Variants in CASZ1 observed in about 807,000 individuals in gnomAD.
CASZ1 encodes castor zinc finger 1.
In CASZ1, 28 loss-of-function variants were observed where a neutral mutation model predicts 135.2. That is an observed-to-expected ratio of 0.21 (90% CI 0.15 to 0.28). CASZ1 has a LOEUF of 0.28. Among genes scored for constraint, CASZ1 ranks in the 10% least tolerant of loss-of-function variants. The pLI is 1.00. For synonymous variants in CASZ1, 1,068 were observed against 1,073.4 expected, an observed-to-expected ratio of 0.99 and a Z score of 0.10; for missense variants, 2,161 against 2,453.3, an observed-to-expected ratio of 0.88 and a Z score of 2.52.
At chr1:10,732,568 G>A (rs569159427) in intron 2 of CASZ1, among the ~76,000 whole-genome samples, 4 of 152,278 alleles carry the variant, frequency 2.6e-5, no homozygotes, top group African/African-American at 9.6e-5. Flanking sequence ...ATGCTGCCAG[G>A]ATATCTGAGG....
At chr1:10,787,653 GCA>G (rs148201374) in intron 1 of CASZ1, among the ~76,000 whole-genome samples, 1 of 151,482 alleles carries the variant, frequency 6.6e-6, no homozygotes, top group African/African-American at 2.4e-5. Flanking sequence ...ACGATCACCC[GCA>G]CACACACACA....
In CASZ1 at chr1:10,666,797, G is replaced by A. The variant is rs1570444539; in HGVS notation, c.17-1226C>T. Among the ~76,000 whole-genome samples the A allele has an allele frequency of 1.3e-5, 2 of 152,098 alleles. No individual in the cohort carries two copies. Among genetic ancestry groups the A allele is most frequent in the African/African-American group, 4.8e-5 (2 of 41,376 alleles). ...CTGGCGAGGGTGGACACACACACAC[G>A]CACACACACGCGTGCACACACAGCG... On this transcript the variant is annotated intron_variant, in intron 4 of 20. Transcript: ENST00000377022. The surrounding 1 kb of genome is among the most constrained non-coding windows in gnomAD (Gnocchi z 5.2).
chr1:10,690,844 C>T (rs1206884356), intron 4 of CASZ1, among the ~76,000 whole-genome samples: 1 of 152,234 alleles, frequency 6.6e-6, no homozygotes, highest in African/African-American at 2.4e-5. Flanking sequence ...AGGGCGAACG[C>T]CTGCTCAGAG....
At chr1:10,740,795 AT>A (rs1363431617) in intron 2 of CASZ1, among the ~76,000 whole-genome samples, 3 of 151,384 alleles carry the variant, frequency 2.0e-5, no homozygotes, top group African/African-American at 4.9e-5. Flanking sequence ...CACAAAAAAA[AT>A]TTTTTTTTAA....
chr1:10,743,604 C>CT lies in CASZ1; in HGVS notation c.-77+17096dup, dbSNP rs542264646. ...TATGCCAGATGGATTCTTTTCCTGC[C>CT]TTTTTTTTTTTCTATAAAAATAAGG... On this transcript the variant is annotated intron_variant, in intron 2 of 20. Transcript: ENST00000377022. Among the ~76,000 whole-genome samples the CT allele has an allele frequency of 5.7e-3, 650 of 113,220 alleles. 2 individuals are homozygous for CT. The highest frequency in any genetic ancestry group is 0.033 in the East Asian group (131 of 3,934). 74.3% of individuals were successfully genotyped at this position (113,220 alleles called of 152,430 possible).
chr1:10,744,058 C>T (rs143730493), intron 2 of CASZ1, among the ~76,000 whole-genome samples: 29 of 152,234 alleles, frequency 1.9e-4, no homozygotes, highest in African/African-American at 5.1e-4. Context: ...GAAACTCGGG[C>T]ACTCTCTCCC....
At position 10,697,680 on chromosome 1, in the gene CASZ1, A is replaced by T. The variant is rs1314341114; in HGVS notation, c.-23-3768T>A. Among the ~76,000 whole-genome samples, 2 of 152,076 alleles carry T rather than the reference A, an allele frequency of 1.3e-5. No individual in the cohort carries two copies. The highest frequency in any genetic ancestry group is 4.8e-5 in the African/African-American group (2 of 41,396). On this transcript the variant is annotated intron_variant, in intron 3 of 20. Transcript: ENST00000377022. The surrounding 1 kb of genome is among the most constrained non-coding windows in gnomAD (Gnocchi z 4.7). ...TCACCAGCCTGTTTACACACCAGGT[A>T]TCTCATGCTTTATCTGCTCTCATTT...
intron 4 of CASZ1, among the ~76,000 whole-genome samples, chr1:10,675,017 C>CT (rs1007752349): frequency 4.6e-5 from 7 of 152,074 alleles, no homozygotes; most frequent in African/African-American, 1.5e-4. Flanking sequence ...GCTCAGATAC[C>CT]CCCCGCAACC....
chr1:10,715,055 T>A (rs1639353012), intron 2 of CASZ1, among the ~76,000 whole-genome samples: 1 of 152,168 alleles, frequency 6.6e-6, no homozygotes, highest in African/African-American at 2.4e-5. Flanking sequence ...GCACACGGGC[T>A]CCACCTTTCC....
rs539139897 is a variant in CASZ1, at chr1:10,735,338, G to A, written c.-77+25363C>T. On this transcript the variant is annotated intron_variant, in intron 2 of 20. Coordinates refer to ENST00000377022, the MANE Select transcript of CASZ1 (RefSeq NM_001079843.3). The surrounding 1 kb of genome is among the most constrained non-coding windows in gnomAD (Gnocchi z 5.1). ...GGAGAGGGAAAGGTTGAGCCGCCAC[G>A]GGCCCCAAGCTGCATTCTGAGCTGA... Among the ~76,000 whole-genome samples the A allele has an allele frequency of 3.8e-4, 58 of 152,282 alleles. No homozygotes were observed. Among genetic ancestry groups the A allele is most frequent in the Admixed American group, 3.3e-4 (5 of 15,300 alleles).
chr1:10,640,958 T>C (rs1188160823), intron 20 of CASZ1, among the ~76,000 whole-genome samples: 2 of 152,218 alleles, frequency 1.3e-5, no homozygotes, highest in Non-Finnish European at 2.9e-5. Flanking sequence ...CAGCTAGTCC[T>C]GGCTCCCCAC....
chr1:10,645,478 C>T (rs1003760155), intron 17 of CASZ1, among the ~76,000 whole-genome samples: 18 of 152,098 alleles, frequency 1.2e-4, no homozygotes, highest in African/African-American at 2.7e-4. Flanking sequence ...TGCAGTGAGC[C>T]GAGATCGTGC....
In CASZ1 at chr1:10,758,328, CT is replaced by C. The variant is rs756390835; in HGVS notation, c.-77+2372del. Among the ~76,000 whole-genome samples, 227 of 134,348 alleles carry C rather than the reference CT, an allele frequency of 1.7e-3. 1 individual carries two copies. Among genetic ancestry groups the C allele is most frequent in the Middle Eastern group, 7.9e-3 (2 of 252 alleles). 88.1% of individuals were successfully genotyped at this position (134,348 alleles called of 152,430 possible). A position where few individuals can be genotyped will look rare whatever the true frequency, so the allele number is the denominator to read the frequency against. Reference sequence around the variant, plus strand: ...ACGCCAGACCCTCTTCTCTCTCTCTCTTTTTTTTTTTTTTTTTTTTTGAGAC... The same window carrying C: ...ACGCCAGACCCTCTTCTCTCTCTCTCTTTTTTTTTTTTTTTTTTTTGAGAC... On this transcript the variant is annotated intron_variant, in intron 2 of 20. Transcript: ENST00000377022.
chr1:10,783,458 G>A (rs1303892521), intron 1 of CASZ1, among the ~76,000 whole-genome samples: 1 of 152,054 alleles, frequency 6.6e-6, no homozygotes, highest in Non-Finnish European at 1.5e-5. Context: ...AGGAAAGGAT[G>A]TGAGGGGGTG....
chr1:10,718,594 C>A (rs915624528), intron 2 of CASZ1, among the ~76,000 whole-genome samples: 1 of 152,210 alleles, frequency 6.6e-6, no homozygotes, highest in African/African-American at 2.4e-5. Context: ...GCACATGCAG[C>A]CAAAGTCGCT....
Position 10,645,017 on chromosome 1 carries a change from G to A in CASZ1, c.3768C>T (p.Thr1256=), listed in dbSNP as rs764640785. 1.9e-6 allele frequency: 3 copies of A among 1,614,090 alleles called. No individual in the cohort carries two copies. The highest frequency in any genetic ancestry group is 2.5e-6 in the Non-Finnish European group (3 of 1,180,010). The change falls in exon 18 of 21, where the codon ACC becomes ACT. Residue 1256 remains threonine, a synonymous_variant. Coordinates refer to ENST00000377022, the MANE Select transcript of CASZ1 (RefSeq NM_001079843.3). ...RTGCYFVTNI[T]TKLPWHIKKH... ...TCTTGATGTGCCAGGGGAGCTTGGT[G>A]GTGATGTTGGTCACAAAATAGCAGC...
At chr1:10,769,663 C>T (rs556214740) in intron 1 of CASZ1, among the ~76,000 whole-genome samples, 5 of 152,034 alleles carry the variant, frequency 3.3e-5, no homozygotes, top group East Asian at 1.9e-4. Flanking sequence ...ATTACAGGTG[C>T]GCACCACCAC....
rs111908315 is a variant in CASZ1, at chr1:10,660,007, C to T, written c.1035G>A (p.Lys345=). Residue 345 remains lysine, a synonymous_variant, in exon 6 of 21, where the codon AAG becomes AAA. Coordinates refer to ENST00000377022, the MANE Select transcript of CASZ1 (RefSeq NM_001079843.3). ...KPSKYDLENV[K]YLHLFKPGEG... ...CCCCGGGTTTGAAGAGGTGCAGGTA[C>T]TTGACATTCTCCAGGTCGTACTTGG... 9 of 1,614,104 alleles carry T rather than the reference C, an allele frequency of 5.6e-6. No homozygotes were observed. Among genetic ancestry groups the T allele is most frequent in the African/African-American group, 2.7e-5 (2 of 75,046 alleles).
chr1:10,651,256 G>T, intron 11 of CASZ1, 180 bp from the exon 12 acceptor site: 1 of 253,272 alleles, frequency 3.9e-6, no homozygotes, highest in Non-Finnish European at 7.1e-6. Context: ...TTCTTCAAGT[G>T]ATAATTATTG....
Sources: gnomAD v4.1 joint callset for allele counts (sites outside exome capture counted in the v4.1 genomes callset) on GRCh38, gnomAD v4.1.1 for gene constraint, Gnocchi (gnomAD v3.1) non-coding constraint, MANE v1.5 for transcripts, NCBI Gene and HGNC (gene_info 2026-07-23, HGNC 2026-07-21) for gene names.